ZC3H11A: variants seen among roughly 807,000 people sequenced by gnomAD.
ZC3H11A encodes the protein zinc finger CCCH-type containing 11A.
ZC3H11A carries 22 observed loss-of-function variants against 90.8 expected under a neutral mutation model. That is an observed-to-expected ratio of 0.24 (90% confidence interval 0.17 to 0.35). The LOEUF (loss-of-function observed/expected upper bound fraction) is 0.35. ZC3H11A is among the 10% of genes least tolerant of loss of function. The probability of loss-of-function intolerance (pLI) is 1.00; values close to 1 mark genes in which losing one functional copy is unlikely to be tolerated. For synonymous variants in ZC3H11A, 294 were observed against 339.8 expected (o/e 0.87, Z 1.48); for missense variants, 701 against 964.9 (o/e 0.73, Z 3.62).
intron 2 of ZC3H11A, among the ~76,000 whole-genome samples, chr1:203,810,873 G>A (rs770020260): frequency 7.2e-5 from 11 of 151,750 alleles, no homozygotes; most frequent in Non-Finnish European, 1.3e-4. Flanking sequence ...GCTCACGCCT[G>A]TAATCCCAGC....
chr1:203,839,625 C>G (rs12760495), intron 11 of ZC3H11A, among the ~76,000 whole-genome samples: 15,772 of 152,118 alleles, frequency 0.1, 1,107 homozygotes, highest in Non-Finnish European at 0.15. Context: ...TTGTTTTCCT[C>G]CTTGTGTATT....
chr1:203,817,159 C>A, intron 3 of ZC3H11A, 35 bp downstream of exon 3: 1 of 1,536,268 alleles, frequency 6.5e-7, no homozygotes, highest in Non-Finnish European at 8.9e-7. Context: ...GTTCTTTCTA[C>A]AATTTGCTTA....
chr1:203,833,612 G>C (rs1169080989), intron 9 of ZC3H11A, among the ~76,000 whole-genome samples, 179 bp from the exon 10 acceptor site: 2 of 96,392 alleles, frequency 2.1e-5, no homozygotes, highest in Non-Finnish European at 4.3e-5. Context: ...TTATTAATAG[G>C]TTTGGGTTTT....
chr1:203,804,212 C>T (rs1336536684), intron 2 of ZC3H11A, among the ~76,000 whole-genome samples: 1 of 145,850 alleles, frequency 6.9e-6, no homozygotes, highest in African/African-American at 2.6e-5. Context: ...AGTGCAGTGG[C>T]GTGATCTCGA....
chr1:203,799,415 T>C (rs1372504192), intron 1 of ZC3H11A: 3 of 703,018 alleles, frequency 4.3e-6, no homozygotes, highest in Non-Finnish European at 7.8e-6. Flanking sequence ...AGTTCCAAAA[T>C]GATCACCAAC....
rs764459087 is a variant in ZC3H11A at position 203,847,315 on chromosome 1, A to G, written c.1174A>G (p.Thr392Ala). 2.5e-6 allele frequency: 4 copies of G among 1,613,990 alleles called. No homozygotes were observed. Among genetic ancestry groups the G allele is most frequent in the Non-Finnish European group, 2.5e-6 (3 of 1,179,872 alleles). The stretch of plus-strand genomic sequence containing the variant: ...AGGACCTTCAAAAACTGATGATTCT[A>G]CTTCAGGAGCAAGAAGCTCCTCCAC... ...TEGPSKTDDSTSGARSSSTIR... is the reference protein window; with the variant it reads ...TEGPSKTDDSASGARSSSTIR... Residue 392 changes from threonine to alanine, a missense_variant, in exon 13 of 18, where the codon ACT becomes GCT. Transcript: ENST00000367210.
chr1:203,826,379 T>A (rs1446605947), intron 4 of ZC3H11A, among the ~76,000 whole-genome samples: 1 of 134,118 alleles, frequency 7.5e-6, no homozygotes, highest in Non-Finnish European at 1.5e-5. Flanking sequence ...TGATTAATAA[T>A]AATTAATTCT....
intron 2 of ZC3H11A, among the ~76,000 whole-genome samples, chr1:203,812,954 A>G (rs1675017420): frequency 6.6e-6 from 1 of 152,056 alleles, no homozygotes; most frequent in Non-Finnish European, 1.5e-5. Context: ...TCAAATGCTT[A>G]TTTTCCATCT....
chr1:203,805,280 C>T (rs574180439), intron 2 of ZC3H11A, among the ~76,000 whole-genome samples: 17 of 150,958 alleles, frequency 1.1e-4, no homozygotes, highest in South Asian at 4.2e-4. Flanking sequence ...TACAGGCGCC[C>T]GCCACCACAC....
intron 16 of ZC3H11A, 34 bp from the exon 17 acceptor site, chr1:203,851,023 C>A (rs778528722): frequency 1.2e-6 from 2 of 1,609,172 alleles, no homozygotes; most frequent in Non-Finnish European, 1.7e-6. Flanking sequence ...AAAAGCCTGA[C>A]TCTCACTGAA....
At chr1:203,812,578 ATTT>A (rs386369376) in intron 2 of ZC3H11A, among the ~76,000 whole-genome samples, 1 of 109,314 alleles carries the variant, frequency 9.1e-6, no homozygotes, top group South Asian at 2.8e-4. Flanking sequence ...GCCATTCTAA[ATTT>A]TTTTTTTTTT....
intron 9 of ZC3H11A, 69 bp from the exon 10 acceptor site, chr1:203,833,722 A>T: frequency 7.5e-7 from 1 of 1,335,460 alleles, no homozygotes; most frequent in Non-Finnish European, 1.0e-6. Flanking sequence ...CATACTTTGT[A>T]CCCATTAGTA....
At chr1:203,809,153 G>A (rs1175638193) in intron 2 of ZC3H11A, among the ~76,000 whole-genome samples, 2 of 141,482 alleles carry the variant, frequency 1.4e-5, no homozygotes, top group South Asian at 2.3e-4. Context: ...TATTTTTGAA[G>A]CTTTGTTTTC....
rs199808427 is a variant in ZC3H11A, at chr1:203,847,700, C to G, written c.1546+13C>G. The G allele has an allele frequency of 1.6e-3, 2,535 of 1,609,268 alleles. 9 individuals carry two copies. The highest frequency in any genetic ancestry group is 6.2e-3 in the South Asian group (561 of 90,656). Reference sequence around the variant, plus strand: ...ACCAAAAGAACAGGTAACAAGAGAACTTGGTCTCTAGTACCACGTCCCCAC... The same window carrying G: ...ACCAAAAGAACAGGTAACAAGAGAAGTTGGTCTCTAGTACCACGTCCCCAC... On this transcript the variant is annotated intron_variant, in intron 13 of 17. Transcript: ENST00000367210.
chr1:203,830,214 A>G lies in ZC3H11A; in HGVS notation c.700+11A>G, dbSNP rs1280295674. On this transcript the variant is annotated intron_variant, in intron 8 of 17. Transcript: ENST00000367210. ...CTAAGAAGCAAGGTGGTAAGTCATCACGTTTTGGCATGGATAGTTGTATGT... is the reference window on the plus strand; with the variant it reads ...CTAAGAAGCAAGGTGGTAAGTCATCGCGTTTTGGCATGGATAGTTGTATGT... 5.7e-6 allele frequency: 9 copies of G among 1,587,050 alleles called. No individual in the cohort carries two copies. Among genetic ancestry groups the G allele is most frequent in the Non-Finnish European group, 7.7e-6 (9 of 1,169,170 alleles).
intron 3 of ZC3H11A, among the ~76,000 whole-genome samples, chr1:203,817,855 C>T (rs1488724908): frequency 6.6e-6 from 1 of 151,966 alleles, no homozygotes; most frequent in Non-Finnish European, 1.5e-5. Context: ...CAGGTTCAAG[C>T]CATTCTCCTG....
Position 203,852,673 on chromosome 1 carries a change from A to G in ZC3H11A, c.*274A>G, listed in dbSNP as rs1689553960. ...TTCTCTCCACAAAAAAGAGACTGAGAGGGAGATCAAGTGAAAGGGTGCAAG... is the reference window on the plus strand; with the variant it reads ...TTCTCTCCACAAAAAAGAGACTGAGGGGGAGATCAAGTGAAAGGGTGCAAG... On this transcript the variant is annotated 3_prime_UTR_variant, in exon 18 of 18. Transcript: ENST00000367210. 2.2e-6 allele frequency: 1 copy of G among 450,040 alleles called. No individual in the cohort carries two copies. Among genetic ancestry groups the G allele is most frequent in the African/African-American group, 2.0e-5 (1 of 50,288 alleles). 27.9% of individuals were successfully genotyped at this position (450,040 alleles called of 1,614,324 possible).
chr1:203,806,253 A>G, intron 2 of ZC3H11A: 1 of 341,510 alleles, frequency 2.9e-6, no homozygotes, highest in Non-Finnish European at 5.7e-6. Context: ...TTTCCTGAAG[A>G]ATCAGTTTAT....
intron 1 of ZC3H11A, chr1:203,797,532 T>C: frequency 6.6e-7 from 1 of 1,513,336 alleles, no homozygotes; most frequent in Non-Finnish European, 8.8e-7. Flanking sequence ...AATGAGTGTA[T>C]GTACTCTAAG....
Sources: gnomAD v4.1 joint callset for allele counts (sites outside exome capture counted in the v4.1 genomes callset) on GRCh38, gnomAD v4.1.1 for gene constraint, MANE v1.5 for transcripts, NCBI Gene and HGNC (gene_info 2026-07-23, HGNC 2026-07-21) for gene names.